Variants in AKIRIN2 observed in about 807,000 individuals in gnomAD.
AKIRIN2 encodes the protein akirin-2.
AKIRIN2 carries 6 observed loss-of-function variants against 29.3 expected under a neutral mutation model. The ratio of observed to expected loss-of-function variants is 0.20; its 90% CI spans 0.11 to 0.40. The LOEUF is 0.40. Ranked by LOEUF, AKIRIN2 falls within the 10% of genes least tolerant of loss-of-function variation. The probability of loss-of-function intolerance (pLI) is 1.00; values close to 1 mark genes in which losing one functional copy is unlikely to be tolerated. For missense variants in AKIRIN2, 210 were observed against 276.1 expected (o/e 0.76, Z 1.70); for synonymous variants, 128 against 117.5 (o/e 1.09, Z -0.58).
Position 87,674,874 on chromosome 6 carries a change from A to C in AKIRIN2, c.*723T>G, listed in dbSNP as rs1211886506. On this transcript the variant is annotated 3_prime_UTR_variant, in exon 5 of 5. Transcript: ENST00000257787. ...CTGGAAAATGCTTACGTTTTAAAACACCAACTTTATTCAAATACTAACCCC... is the reference window on the plus strand; with the variant it reads ...CTGGAAAATGCTTACGTTTTAAAACCCCAACTTTATTCAAATACTAACCCC... Among the ~76,000 whole-genome samples the C allele has an allele frequency of 6.6e-6, 1 of 151,990 alleles. No individual in the cohort carries two copies. Among genetic ancestry groups the C allele is most frequent in the Non-Finnish European group, 1.5e-5 (1 of 68,010 alleles).
intron 1 of AKIRIN2, among the ~76,000 whole-genome samples, chr6:87,696,417 G>A (rs544402917): frequency 1.3e-5 from 2 of 151,610 alleles, no homozygotes; most frequent in African/African-American, 4.8e-5. Context: ...TAAAAAAGCC[G>A]GGAGCTGGGC....
chr6:87,690,841 C>T (rs909075245), intron 1 of AKIRIN2, among the ~76,000 whole-genome samples: 2 of 151,730 alleles, frequency 1.3e-5, no homozygotes, highest in Non-Finnish European at 2.9e-5. Flanking sequence ...GGCATAATGG[C>T]GGGCACCTGT....
intron 1 of AKIRIN2, among the ~76,000 whole-genome samples, chr6:87,697,181 C>T (rs1170104410): frequency 6.7e-6 from 1 of 150,016 alleles, no homozygotes; most frequent in East Asian, 2.0e-4. Flanking sequence ...GGTGTGGTGG[C>T]GCACGCCTGT....
intron 1 of AKIRIN2, among the ~76,000 whole-genome samples, chr6:87,690,225 A>G (rs1272995620): frequency 3.3e-5 from 5 of 152,234 alleles, no homozygotes; most frequent in African/African-American, 1.2e-4. Context: ...AAAAACCAAA[A>G]AAACAAAAAA....
At chr6:87,690,759 G>T (rs907611509) in intron 1 of AKIRIN2, among the ~76,000 whole-genome samples, 4 of 152,104 alleles carry the variant, frequency 2.6e-5, no homozygotes, top group Admixed American at 2.0e-4. Flanking sequence ...GATGGCTTGA[G>T]GTCAGGAGTT....
At position 87,702,119 on chromosome 6, in the gene AKIRIN2, C is replaced by A; in HGVS notation, c.-435G>T. ...GCTGGAACGCGGCTCCTAATACGCC[C>A]GAGTACGGTCAGTAGCTTGCGAGCG... On this transcript the variant is annotated 5_prime_UTR_variant, in exon 1 of 5. Transcript: ENST00000257787. 2.5e-6 allele frequency: 1 copy of A among 399,138 alleles called. No homozygotes were observed. The highest frequency in any genetic ancestry group is 2.1e-5 in the African/African-American group (1 of 48,776). 24.7% of individuals were successfully genotyped at this position (399,138 alleles called of 1,614,324 possible).
chr6:87,702,069 C>G lies in AKIRIN2; in HGVS notation c.-385G>C. ...GCTGAGACTAGATCCTTTCTGAAGTCGAAAACAGCACCGTGGGGTGTGAGG... is the reference window on the plus strand; with the variant it reads ...GCTGAGACTAGATCCTTTCTGAAGTGGAAAACAGCACCGTGGGGTGTGAGG... On this transcript the variant is annotated 5_prime_UTR_variant, in exon 1 of 5. Transcript: ENST00000257787. The G allele has an allele frequency of 2.5e-6, 1 of 399,512 alleles. No homozygotes were observed. The highest frequency in any genetic ancestry group is 4.4e-6 in the Non-Finnish European group (1 of 226,416). The allele number at this position is 399,512 out of a possible 1,614,324, so 24.7% of individuals were successfully genotyped here.
chr6:87,681,294 G>A (rs575259459), intron 2 of AKIRIN2, among the ~76,000 whole-genome samples: 2 of 152,146 alleles, frequency 1.3e-5, no homozygotes, highest in African/African-American at 2.4e-5. Flanking sequence ...TACCTCGCTC[G>A]GCCTCCCCAA....
In AKIRIN2 at chr6:87,701,714, G is replaced by A. The variant is rs777770954; in HGVS notation, c.-30C>T. ...GGGGGCAGCTGAGGCGCCGGGCTCGGGTGGGGTCGGGGACGGGTGACGAAA... is the reference window on the plus strand; with the variant it reads ...GGGGGCAGCTGAGGCGCCGGGCTCGAGTGGGGTCGGGGACGGGTGACGAAA... On this transcript the variant is annotated 5_prime_UTR_variant, in exon 1 of 5. Coordinates refer to ENST00000257787, the MANE Select transcript of AKIRIN2 (RefSeq NM_018064.4). 1 of 1,406,518 alleles carries A rather than the reference G, an allele frequency of 7.1e-7. No homozygotes were observed. The highest frequency in any genetic ancestry group is 2.9e-5 in the East Asian group (1 of 35,030). 87.1% of individuals were successfully genotyped at this position (1,406,518 alleles called of 1,614,324 possible).
chr6:87,687,875 C>CT (rs1411950118), intron 1 of AKIRIN2, among the ~76,000 whole-genome samples: 1 of 152,188 alleles, frequency 6.6e-6, no homozygotes, highest in Non-Finnish European at 1.5e-5. Context: ...TGGCTGCACG[C>CT]AGTGGCTCAT....
chr6:87,701,386 A>G, intron 1 of AKIRIN2, 64 bp downstream of exon 1: 9 of 1,476,104 alleles, frequency 6.1e-6, no homozygotes, highest in Non-Finnish European at 8.1e-6. Context: ...GCCGCATCCC[A>G]CACCCCAGGA....
chr6:87,675,804 TCTC>T, intron 4 of AKIRIN2, 53 bp downstream of exon 4: 1 of 1,529,268 alleles, frequency 6.5e-7, no homozygotes, highest in Non-Finnish European at 9.0e-7. Context: ...TATAATGTCT[TCTC>T]CTTAAAAGAC....
At position 87,675,578 on chromosome 6, in the gene AKIRIN2, C is replaced by A. The variant is rs375345493; in HGVS notation, c.*19G>T. 1.2e-6 allele frequency: 2 copies of A among 1,613,816 alleles called. No homozygotes were observed. Among genetic ancestry groups the A allele is most frequent in the Admixed American group, 3.3e-5 (2 of 59,996 alleles). On this transcript the variant is annotated 3_prime_UTR_variant, in exon 5 of 5. Coordinates refer to ENST00000257787, the MANE Select transcript of AKIRIN2 (RefSeq NM_018064.4). ...ACTCAACAAGGAACAAGGCAGCCCACAAATGCAGGATACGTGATTCATGAA... is the reference window on the plus strand; with the variant it reads ...ACTCAACAAGGAACAAGGCAGCCCAAAAATGCAGGATACGTGATTCATGAA...
intron 1 of AKIRIN2, among the ~76,000 whole-genome samples, chr6:87,697,617 G>A (rs150449972): frequency 9.2e-5 from 14 of 152,280 alleles, no homozygotes; most frequent in South Asian, 2.1e-4. Context: ...TCCAACAGAC[G>A]TCTCATTTGT....
Position 87,701,698 on chromosome 6 carries a change from T to G in AKIRIN2, c.-14A>C. 1 of 1,436,226 alleles carries G rather than the reference T, an allele frequency of 7.0e-7. No homozygotes were observed. Among genetic ancestry groups the G allele is most frequent in the Non-Finnish European group, 9.1e-7 (1 of 1,096,072 alleles). 89.0% of individuals were successfully genotyped at this position (1,436,226 alleles called of 1,614,324 possible). A position where few individuals can be genotyped will look rare whatever the true frequency, so the allele number is the denominator to read the frequency against. On this transcript the variant is annotated 5_prime_UTR_variant, in exon 1 of 5. Coordinates refer to ENST00000257787, the MANE Select transcript of AKIRIN2 (RefSeq NM_018064.4). ...TCCGCACGCCATGGCCGGGGGCAGC[T>G]GAGGCGCCGGGCTCGGGTGGGGTCG...
intron 2 of AKIRIN2, among the ~76,000 whole-genome samples, chr6:87,680,417 C>T (rs530218099): frequency 3.7e-4 from 56 of 151,508 alleles, no homozygotes; most frequent in African/African-American, 1.1e-3. Flanking sequence ...AGACTACAGG[C>T]GCCTGCCACC....
At chr6:87,682,475 A>C (rs1458043021) in intron 1 of AKIRIN2, among the ~76,000 whole-genome samples, 1 of 152,208 alleles carries the variant, frequency 6.6e-6, no homozygotes, top group East Asian at 1.9e-4. Context: ...CAAATGAGTA[A>C]AATTATATCT....
intron 1 of AKIRIN2, among the ~76,000 whole-genome samples, chr6:87,689,975 G>A (rs1771252995): frequency 1.3e-5 from 2 of 152,266 alleles, no homozygotes; most frequent in Admixed American, 1.3e-4. Context: ...ACTTTGGGAG[G>A]CCAAGGCAGT....
chr6:87,691,985 CA>C (rs1771284429), intron 1 of AKIRIN2, among the ~76,000 whole-genome samples: 1 of 152,096 alleles, frequency 6.6e-6, no homozygotes, highest in African/African-American at 2.4e-5. Flanking sequence ...TATATAAAGC[CA>C]AAAGCAAAGA....
Sources: gnomAD v4.1 joint callset for allele counts (sites outside exome capture counted in the v4.1 genomes callset) on GRCh38, gnomAD v4.1.1 for gene constraint, MANE v1.5 for transcripts, NCBI Gene and HGNC (gene_info 2026-07-23, HGNC 2026-07-21) for gene names.